The following BRCA1 variants were observed in gnomAD, a reference collection of about 807,000 sequenced individuals.
BRCA1 encodes breast cancer type 1 susceptibility protein.
Under a neutral mutation model 173.7 loss-of-function variants are expected in BRCA1, and 140 were observed. That is an observed-to-expected ratio of 0.81 (90% confidence interval 0.70 to 0.93). BRCA1 has a LOEUF of 0.93. Ranked by LOEUF, BRCA1 falls within the 40% of genes least tolerant of loss-of-function variation. The probability of loss-of-function intolerance (pLI) is 0.00; values close to 1 mark genes in which losing one functional copy is unlikely to be tolerated. For synonymous variants in BRCA1, 662 were observed against 756.0 expected (o/e 0.88, Z 2.04); for missense variants, 1,983 against 2,172.5 (o/e 0.91, Z 1.73).
Position 43,076,369 on chromosome 17 carries a change from G to C in BRCA1, c.4484+119C>G, listed in dbSNP as rs1421430080. Reference sequence around the variant, plus strand: ...AAAGAAGTATCCTAGAGCAATAAAAGTGTATAAATGCCTGTATGCAAAAAA... The same window carrying C: ...AAAGAAGTATCCTAGAGCAATAAAACTGTATAAATGCCTGTATGCAAAAAA... On this transcript the variant is annotated intron_variant, in intron 13 of 22. Transcript: ENST00000357654. 2.5e-6 allele frequency: 3 copies of C among 1,215,544 alleles called. No homozygotes were observed. The Admixed American group carries it at 5.4e-5, about 22-fold the overall frequency. The allele number at this position is 1,215,544 out of a possible 1,614,324, so 75.3% of individuals were successfully genotyped here. A position where few individuals can be genotyped will look rare whatever the true frequency, so the allele number is the denominator to read the frequency against.
In BRCA1 at chr17:43,094,307, T is replaced by C. The variant is rs2154465949; in HGVS notation, c.1224A>G (p.Lys408=). ...TTAGAACGTCCAATACATCAGCTACTTTGGCATTTGATTCAGACTCCCCAT... is the reference window on the plus strand; with the variant it reads ...TTAGAACGTCCAATACATCAGCTACCTTGGCATTTGATTCAGACTCCCCAT... ...SHDGESESNA[K]VADVLDVLNE... is the part of the protein sequence containing the mutation. Residue 408 remains lysine, a synonymous_variant, in exon 10 of 23, where the codon AAA becomes AAG. Coordinates refer to ENST00000357654, the MANE Select transcript of BRCA1 (RefSeq NM_007294.4). The C allele has an allele frequency of 6.2e-7, 1 of 1,614,198 alleles. No homozygotes were observed. The highest frequency in any genetic ancestry group is 8.5e-7 in the Non-Finnish European group (1 of 1,180,030).
intron 8 of BRCA1, 47 bp downstream of exon 8, chr17:43,097,197 A>G (rs1285710590): frequency 1.3e-6 from 2 of 1,560,922 alleles, no homozygotes; most frequent in Admixed American, 1.7e-5. Flanking sequence ...AATATTAACT[A>G]AATAGGAAAA....
In BRCA1 at chr17:43,099,914, G is replaced by T. The variant is rs799923; in HGVS notation, c.442-34C>A. On this transcript the variant is annotated intron_variant, in intron 6 of 22. Transcript: ENST00000357654. The stretch of plus-strand genomic sequence containing the variant: ...TATGGTAAAGAACAGTCAAGCAATT[G>T]TTGGCCAGTTCTGTGCTTTTCCTCC... The T allele has an allele frequency of 1.3e-6, 2 of 1,518,290 alleles. No individual in the cohort carries two copies. Among genetic ancestry groups the T allele is most frequent in the East Asian group, 2.3e-5 (1 of 44,330 alleles). 94.1% of individuals were successfully genotyped at this position (1,518,290 alleles called of 1,614,324 possible). A position where few individuals can be genotyped will look rare whatever the true frequency, so the allele number is the denominator to read the frequency against.
chr17:43,054,866 C>T (rs1328568866), intron 19 of BRCA1, among the ~76,000 whole-genome samples: 1 of 152,010 alleles, frequency 6.6e-6, no homozygotes, highest in East Asian at 1.9e-4. Context: ...CCTCAGCCTC[C>T]CGAGTAATCC....
chr17:43,064,230 C>G (rs2051952778), intron 16 of BRCA1, among the ~76,000 whole-genome samples: 1 of 152,198 alleles, frequency 6.6e-6, no homozygotes, highest in Non-Finnish European at 1.5e-5. Flanking sequence ...GACGCCAAGG[C>G]TAGCTATAGA....
At chr17:43,057,336 C>A (rs2051544534) in intron 18 of BRCA1, among the ~76,000 whole-genome samples, 1 of 152,030 alleles carries the variant, frequency 6.6e-6, no homozygotes, top group Non-Finnish European at 1.5e-5. Flanking sequence ...ATGGTGAAAC[C>A]TCATCTCTAC....
In BRCA1 at chr17:43,098,371, T is replaced by G. The variant is rs2054225496; in HGVS notation, c.548-1082A>C. On this transcript the variant is annotated intron_variant, in intron 7 of 22. Transcript: ENST00000357654. ...ATTTATTATTTTTAAAAATTATTAT[T>G]TTTTTGAGATGCAGTCTCACTCTAT... Among the ~76,000 whole-genome samples the G allele has an allele frequency of 2.6e-5, 4 of 152,054 alleles. No homozygotes were observed. In the South Asian group the frequency reaches 8.3e-4, roughly 32 times the overall value.
chr17:43,093,873 T>C lies in BRCA1; in HGVS notation c.1658A>G (p.His553Arg), dbSNP rs748431827. ...AGAATCACCTTTTGTTTTATTCTCA[T>C]GACCACTATTAGTAATATTCATCAC... ...GQVMNITNSG[H>R]ENKTKGDSIQ... Residue 553 changes from histidine to arginine, a missense_variant, in exon 10 of 23, where the codon CAT becomes CGT. Physicochemically the swap from His to Arg is conservative, Grantham distance 29. Coordinates refer to ENST00000357654, the MANE Select transcript of BRCA1 (RefSeq NM_007294.4). 1.9e-6 allele frequency: 3 copies of C among 1,613,828 alleles called. No homozygotes were observed. The African/African-American group carries it at 4.0e-5, about 22-fold the overall frequency.
chr17:43,060,579 C>T (rs1424922821), intron 18 of BRCA1, among the ~76,000 whole-genome samples: 1 of 152,012 alleles, frequency 6.6e-6, no homozygotes, highest in East Asian at 1.9e-4. Context: ...GTAACTCCTA[C>T]CTTTCGGTTC....
chr17:43,126,900 G>C (rs1211170931), upstream of BRCA1, among the ~76,000 whole-genome samples: 6 of 152,124 alleles, frequency 3.9e-5, no homozygotes, highest in East Asian at 3.9e-4. Flanking sequence ...GCGAGTTCCA[G>C]GTGGGCGCGG....
chr17:43,118,463 G>A (rs1221900860), intron 2 of BRCA1, among the ~76,000 whole-genome samples: 4 of 151,202 alleles, frequency 2.6e-5, no homozygotes, highest in Non-Finnish European at 4.4e-5. Context: ...TGTAACCTCC[G>A]CCTCCTGAAT....
intron 1 of BRCA1, among the ~76,000 whole-genome samples, chr17:43,140,641 C>T (rs2056068805): frequency 6.6e-6 from 1 of 152,194 alleles, no homozygotes; most frequent in Non-Finnish European, 1.5e-5. Flanking sequence ...TCCTTTCCAG[C>T]CGACCAAGAG....
rs572717381 is a variant in BRCA1, at chr17:43,154,933, A to G, written c.-20+15193T>C. ...TGAGGTGAGACTAGAGGACAGCTTA[A>G]TAATGTAAAGAAACACGCTATGCAA... On this transcript the variant is annotated intron_variant, in intron 1 of 7. Coordinates refer to the BRCA1 transcript ENST00000634433. 2.0e-5 allele frequency among the ~76,000 whole-genome samples: 3 copies of G among 152,260 alleles called. No homozygotes were observed. The East Asian group carries it at 5.8e-4, about 29-fold the overall frequency.
intron 7 of BRCA1, among the ~76,000 whole-genome samples, chr17:43,098,717 A>C (rs2054240941): frequency 1.3e-5 from 2 of 151,842 alleles, no homozygotes; most frequent in South Asian, 4.1e-4. Context: ...TATGTTGGCC[A>C]GGCTGGTCTT....
intron 1 of BRCA1, chr17:43,161,018 C>G (rs1226972455): frequency 2.0e-5 from 3 of 152,188 alleles, no homozygotes; most frequent in African/African-American, 4.8e-5. Context: ...CACACTTGCA[C>G]GGGCACATGT....
chr17:43,076,846 A>G (rs1324047219), intron 12 of BRCA1, among the ~76,000 whole-genome samples: 2 of 152,198 alleles, frequency 1.3e-5, no homozygotes, highest in African/African-American at 4.8e-5. Flanking sequence ...GAACACTTTA[A>G]GACAGAGTAA....
At chr17:43,054,477 T>C (rs1489016033) in intron 19 of BRCA1, among the ~76,000 whole-genome samples, 1 of 152,222 alleles carries the variant, frequency 6.6e-6, no homozygotes, top group Non-Finnish European at 1.5e-5. Context: ...TCTCACAATG[T>C]TGGCCAGGCT....
chr17:43,111,545 G>A (rs562031586), intron 3 of BRCA1, among the ~76,000 whole-genome samples: 17 of 149,784 alleles, frequency 1.1e-4, no homozygotes, highest in Non-Finnish European at 1.9e-4. Context: ...AAAACAGCCG[G>A]GCGTGGTGGC....
intron 9 of BRCA1, among the ~76,000 whole-genome samples, 198 bp downstream of exon 9, chr17:43,095,648 T>C (rs538407629): frequency 1.3e-5 from 2 of 151,888 alleles, no homozygotes; most frequent in East Asian, 3.9e-4. Context: ...GAAGGTCTTA[T>C]TATAGGTACA....
Sources: gnomAD v4.1 joint callset for allele counts (sites outside exome capture counted in the v4.1 genomes callset) on GRCh38, gnomAD v4.1.1 for gene constraint, MANE v1.5 for transcripts, NCBI Gene and HGNC (gene_info 2026-07-23, HGNC 2026-07-21) for gene names.